Variants in HSD17B12 observed in about 807,000 individuals in gnomAD.
HSD17B12 encodes hydroxysteroid 17-beta dehydrogenase 12.
HSD17B12 carries 32 observed loss-of-function variants against 39.3 expected under a neutral mutation model. The ratio of observed to expected loss-of-function variants is 0.81; its 90% confidence interval spans 0.61 to 1.09. HSD17B12 has a LOEUF of 1.09. Ranked by LOEUF, HSD17B12 falls within the 50% of genes least tolerant of loss-of-function variation. HSD17B12 has a pLI of 0.00. For missense variants in HSD17B12, 342 were observed against 382.9 expected (o/e 0.89, Z 0.89); for synonymous variants, 150 against 146.7 (o/e 1.02, Z -0.16).
the HSD17B12 span, among the ~76,000 whole-genome samples, chr11:43,609,312 T>C: frequency 6.7e-6 from 1 of 148,722 alleles, no homozygotes; most frequent in African/African-American, 2.4e-5. Context: ...TTAGTACATA[T>C]ATTATATATG....
At chr11:43,667,694 G>T in the HSD17B12 span, among the ~76,000 whole-genome samples, 3 of 152,104 alleles carry the variant, frequency 2.0e-5, no homozygotes, top group South Asian at 6.2e-4. Context: ...ATAGCCTGAG[G>T]TTAATTTCAT....
the HSD17B12 span, among the ~76,000 whole-genome samples, chr11:43,663,894 G>A: frequency 1.3e-5 from 2 of 149,680 alleles, no homozygotes; most frequent in South Asian, 2.1e-4. Flanking sequence ...ATGGAGTCTC[G>A]CCCTGTTGCC....
intron 1 of HSD17B12, among the ~76,000 whole-genome samples, chr11:43,690,497 C>A (rs554544122): frequency 6.9e-6 from 1 of 145,938 alleles, no homozygotes; most frequent in Non-Finnish European, 1.5e-5. Flanking sequence ...GCCTTAGCCT[C>A]CTGAGTTGCT....
intron 1 of HSD17B12, among the ~76,000 whole-genome samples, chr11:43,732,525 C>T (rs1384160243): frequency 6.6e-6 from 1 of 151,782 alleles, no homozygotes; most frequent in African/African-American, 2.4e-5. Flanking sequence ...TGTTGTGGCC[C>T]AGTCATAACT....
the HSD17B12 span, among the ~76,000 whole-genome samples, chr11:43,574,931 A>G: frequency 6.6e-6 from 1 of 152,100 alleles, no homozygotes; most frequent in African/African-American, 2.4e-5. Context: ...CTATCTGGGT[A>G]TTTATAGAGG....
chr11:43,666,895 C>A, the HSD17B12 span, among the ~76,000 whole-genome samples: 87 of 152,284 alleles, frequency 5.7e-4, no homozygotes, highest in African/African-American at 2.1e-3. Flanking sequence ...GCCAGACAGC[C>A]CAAATGAAAT....
chr11:43,719,615 CAAAA>C (rs756654421), intron 1 of HSD17B12, among the ~76,000 whole-genome samples: 1,878 of 137,722 alleles, frequency 0.014, 20 homozygotes, highest in Non-Finnish European at 0.021. Flanking sequence ...ACAAGGACTT[CAAAA>C]AAAAAAAAAT....
chr11:43,655,631 G>T, the HSD17B12 span, among the ~76,000 whole-genome samples: 1 of 152,134 alleles, frequency 6.6e-6, no homozygotes, highest in Non-Finnish European at 1.5e-5. Flanking sequence ...GTTGAATTTT[G>T]TCAAATGCCT....
chr11:43,643,159 T>C, the HSD17B12 span, among the ~76,000 whole-genome samples: 9 of 152,110 alleles, frequency 5.9e-5, no homozygotes, highest in African/African-American at 2.2e-4. Context: ...GAATTCTAGT[T>C]GTTGCCTTAG....
At chr11:43,675,414 G>A in the HSD17B12 span, among the ~76,000 whole-genome samples, 2 of 152,154 alleles carry the variant, frequency 1.3e-5, no homozygotes, top group African/African-American at 4.8e-5. Context: ...GAACGACTCT[G>A]AGACCAGAAT....
At chr11:43,776,078 G>A (rs527392357) in intron 3 of HSD17B12, among the ~76,000 whole-genome samples, 3 of 152,196 alleles carry the variant, frequency 2.0e-5, no homozygotes, top group African/African-American at 4.8e-5. Flanking sequence ...GTGTGCATGC[G>A]TCTTTATAGC....
At chr11:43,620,945 G>C in the HSD17B12 span, among the ~76,000 whole-genome samples, 1 of 152,236 alleles carries the variant, frequency 6.6e-6, no homozygotes, top group Non-Finnish European at 1.5e-5. Context: ...AGGATCAGAG[G>C]CTATGAAAAG....
At chr11:43,581,313 G>A in the HSD17B12 span, 68 of 469,928 alleles carry the variant, frequency 1.4e-4, no homozygotes, top group African/African-American at 1.3e-3. The surrounding 1 kb of genome is among the most constrained non-coding windows in gnomAD (Gnocchi z 4.9). Flanking sequence ...AACGCGCTGG[G>A]GAGACCCAGC....
chr11:43,596,016 G>T, the HSD17B12 span, among the ~76,000 whole-genome samples: 1 of 152,154 alleles, frequency 6.6e-6, no homozygotes, highest in Non-Finnish European at 1.5e-5. Flanking sequence ...GGACCCTCAA[G>T]ACCATCCAGC....
intron 1 of HSD17B12, among the ~76,000 whole-genome samples, chr11:43,712,727 G>A (rs571464395): frequency 9.9e-4 from 151 of 152,176 alleles, no homozygotes; most frequent in African/African-American, 3.4e-3. Context: ...CGTCCTTAAC[G>A]TTGGCAAAAT....
At chr11:43,651,338 C>T in the HSD17B12 span, among the ~76,000 whole-genome samples, 1 of 152,134 alleles carries the variant, frequency 6.6e-6, no homozygotes, top group Non-Finnish European at 1.5e-5. Flanking sequence ...CTCCCTCACT[C>T]CAAGAAGAGA....
At chr11:43,711,335 A>G (rs1358679521) in intron 1 of HSD17B12, among the ~76,000 whole-genome samples, 1 of 152,224 alleles carries the variant, frequency 6.6e-6, no homozygotes, top group Non-Finnish European at 1.5e-5. Flanking sequence ...ATCTTTAGAA[A>G]GAAGCTATTC....
intron 1 of HSD17B12, among the ~76,000 whole-genome samples, chr11:43,683,083 T>C (rs1327423859): frequency 6.6e-6 from 1 of 151,414 alleles, no homozygotes; most frequent in African/African-American, 2.4e-5. Flanking sequence ...TGAGCCACCA[T>C]GCCTGGATGT....
the HSD17B12 span, among the ~76,000 whole-genome samples, chr11:43,616,949 G>A: frequency 6.7e-6 from 1 of 150,240 alleles, no homozygotes; most frequent in African/African-American, 2.5e-5. Context: ...TCCAGCCTGG[G>A]TGGCAGAACA....
Sources: allele counts gnomAD v4.1 joint callset (sites outside exome capture counted in the v4.1 genomes callset), GRCh38; gene constraint gnomAD v4.1.1; non-coding constraint Gnocchi (gnomAD v3.1); transcripts MANE v1.5; gene names NCBI Gene and HGNC (gene_info 2026-07-23, HGNC 2026-07-21).